Variants in CLINT1 observed in about 807,000 individuals in gnomAD.
CLINT1 encodes the protein clathrin interacting protein localized in the trans-Golgi region.
Under a neutral mutation model 70.4 loss-of-function variants are expected in CLINT1, and 15 were observed. The observed-to-expected ratio is 0.21, with a 90% CI of 0.14 to 0.33. The LOEUF (loss-of-function observed/expected upper bound fraction) is 0.33, where lower values mean the gene tolerates loss of function less well. CLINT1 is among the 10% of genes least tolerant of loss of function. The pLI is 1.00. For synonymous variants in CLINT1, 227 were observed against 254.7 expected (o/e 0.89, Z 1.04); for missense variants, 615 against 778.1 (o/e 0.79, Z 2.49).
At chr5:157,827,869 C>G (rs2113251681) in intron 1 of CLINT1, among the ~76,000 whole-genome samples, 1 of 152,264 alleles carries the variant, frequency 6.6e-6, no homozygotes, top group South Asian at 2.1e-4. Context: ...ACTGCTTCAT[C>G]TTTTATGGCT....
At chr5:157,835,609 T>G (rs1057176394) in intron 1 of CLINT1, among the ~76,000 whole-genome samples, 1 of 151,852 alleles carries the variant, frequency 6.6e-6, no homozygotes, top group Admixed American at 6.6e-5. Flanking sequence ...CAAATGAATA[T>G]GTAAGTGAAC....
Position 157,787,393 on chromosome 5 carries a change from T to A in CLINT1, c.*253A>T. ...CTCTTCAGTTGATAAAGGCTTTCAA[T>A]GGTCTCACCACCCACTTGTGGTCTA... On this transcript the variant is annotated 3_prime_UTR_variant, in exon 12 of 12. Coordinates refer to ENST00000411809, the MANE Select transcript of CLINT1 (RefSeq NM_014666.4). 1 of 502,682 alleles carries A rather than the reference T, an allele frequency of 2.0e-6. No homozygotes were observed. The allele number at this position is 502,682 out of a possible 1,614,324, so 31.1% of individuals were successfully genotyped here. A position where few individuals can be genotyped will look rare whatever the true frequency, so the allele number is the denominator to read the frequency against.
chr5:157,846,370 T>G (rs1322209342), intron 1 of CLINT1, among the ~76,000 whole-genome samples: 2 of 148,072 alleles, frequency 1.4e-5, no homozygotes, highest in African/African-American at 5.2e-5. Flanking sequence ...GAATAGAATA[T>G]CAAACTAGCC....
At chr5:157,806,570 A>G (rs942755729) in intron 6 of CLINT1, among the ~76,000 whole-genome samples, 1 of 152,202 alleles carries the variant, frequency 6.6e-6, no homozygotes, top group Non-Finnish European at 1.5e-5. Context: ...CAACTCTCAA[A>G]GACTAATGTG....
chr5:157,822,360 A>G (rs1762903425), intron 1 of CLINT1, among the ~76,000 whole-genome samples: 1 of 152,198 alleles, frequency 6.6e-6, no homozygotes, highest in South Asian at 2.1e-4. Context: ...TCATGGTCTT[A>G]TCAGGGGTTT....
intron 8 of CLINT1, chr5:157,795,583 A>G (rs1762040955): frequency 6.6e-6 from 1 of 152,220 alleles, no homozygotes; most frequent in African/African-American, 2.4e-5. Flanking sequence ...CATGATTGCA[A>G]CTTCCTCTCA....
chr5:157,855,058 C>G (rs1407780725), intron 1 of CLINT1, among the ~76,000 whole-genome samples: 1 of 147,592 alleles, frequency 6.8e-6, no homozygotes, highest in African/African-American at 2.5e-5. Context: ...GCAGGAGAAT[C>G]ATTTGAACCC....
At chr5:157,836,643 C>T (rs892259109) in intron 1 of CLINT1, among the ~76,000 whole-genome samples, 4 of 152,226 alleles carry the variant, frequency 2.6e-5, no homozygotes, top group Non-Finnish European at 5.9e-5. Context: ...AGCTACTCCT[C>T]TTCTTCCATG....
intron 1 of CLINT1, among the ~76,000 whole-genome samples, chr5:157,833,002 T>C (rs1581525737): frequency 1.3e-5 from 2 of 152,186 alleles, no homozygotes; most frequent in East Asian, 3.9e-4. Context: ...AAATCCTTAC[T>C]AATTGAAACT....
intron 1 of CLINT1, among the ~76,000 whole-genome samples, chr5:157,840,249 T>G (rs1036396040): frequency 4.2e-5 from 6 of 141,880 alleles, no homozygotes; most frequent in African/African-American, 1.6e-4. Flanking sequence ...AATAGTCTAT[T>G]TAAAAAAAAA....
chr5:157,813,227 T>C lies in CLINT1; in HGVS notation c.353A>G (p.Asp118Gly). The C allele has an allele frequency of 7.4e-6, 12 of 1,611,562 alleles. No individual in the cohort carries two copies. The highest frequency in any genetic ancestry group is 8.5e-6 in the Non-Finnish European group (10 of 1,179,446). Reference protein sequence around the residue: ...LRSLENYHFVDEHGKDQGINI... With the variant: ...LRSLENYHFVGEHGKDQGINI... The stretch of plus-strand genomic sequence containing the variant: ...TATACCTTGATCCTTACCATGCTCA[T>C]CTATGAGGATGGTAAGAGATAAGCA... The change falls in exon 5 of 12, where the codon GAT becomes GGT. Residue 118 changes from aspartate to glycine, a missense_variant and splice_region_variant. Transcript: ENST00000411809.
chr5:157,858,441 G>A (rs896634255), intron 1 of CLINT1, among the ~76,000 whole-genome samples: 5 of 152,220 alleles, frequency 3.3e-5, no homozygotes, highest in South Asian at 2.1e-4. Flanking sequence ...GGAATTAAGA[G>A]GAGGCAAGGA....
In CLINT1 at chr5:157,789,395, T is replaced by C. The variant is rs368809469; in HGVS notation, c.1499A>G (p.Gln500Arg). The C allele has an allele frequency of 3.7e-6, 6 of 1,613,876 alleles. No homozygotes were observed. The highest frequency in any genetic ancestry group is 5.1e-6 in the Non-Finnish European group (6 of 1,179,876). ...CTGAATCATTGTATTCAGTGATGGC[T>C]GCTGGGGTTTGGAAGGCTGCATACC... ...LPGMQPSKPQQPSLNTMIQQQ... is the reference protein window; with the variant it reads ...LPGMQPSKPQRPSLNTMIQQQ... Residue 500 changes from glutamine to arginine, a missense_variant, in exon 11 of 12, where the codon CAG (glutamine) becomes CGG (arginine). Gln to Arg is a conservative substitution (Grantham distance 43, BLOSUM62 1). This residue lies in a region of CLINT1 where 374 missense variants were observed against 409.6 expected (regional missense o/e 0.91). Transcript: ENST00000411809.
intron 1 of CLINT1, among the ~76,000 whole-genome samples, chr5:157,839,473 C>T (rs1763540939): frequency 6.6e-6 from 1 of 152,018 alleles, no homozygotes; most frequent in East Asian, 1.9e-4. Context: ...TGGTAGCAGG[C>T]AGGCACCTGT....
chr5:157,790,856 T>A (rs546894509), intron 10 of CLINT1, among the ~76,000 whole-genome samples: 1 of 152,272 alleles, frequency 6.6e-6, no homozygotes, highest in East Asian at 1.9e-4. Context: ...TTTATGAAAA[T>A]GAAAGTTGAA....
At chr5:157,844,717 G>C (rs1011646439) in intron 1 of CLINT1, among the ~76,000 whole-genome samples, 3 of 152,174 alleles carry the variant, frequency 2.0e-5, no homozygotes, top group African/African-American at 7.2e-5. Flanking sequence ...ATATGACATA[G>C]CACACACTGA....
chr5:157,809,831 C>A, intron 5 of CLINT1, 26 bp from the exon 6 acceptor site: 2 of 1,593,822 alleles, frequency 1.3e-6, no homozygotes, highest in Non-Finnish European at 1.7e-6. Flanking sequence ...AAAAAAGAAG[C>A]AATTCTAACG....
Position 157,859,120 on chromosome 5 carries a change from G to A in CLINT1, c.-150C>T. ...AGCTCCTTCCTTTGCCACAGCAGCG[G>A]CGCCGCCGGTGACACGTCGAGACGC... On this transcript the variant is annotated 5_prime_UTR_variant, in exon 1 of 12. Coordinates refer to ENST00000411809, the MANE Select transcript of CLINT1 (RefSeq NM_014666.4). The A allele has an allele frequency of 1.3e-6, 1 of 752,662 alleles. No homozygotes were observed. Among genetic ancestry groups the A allele is most frequent in the Non-Finnish European group, 2.0e-6 (1 of 491,334 alleles). The allele number at this position is 752,662 out of a possible 1,614,324, so 46.6% of individuals were successfully genotyped here.
At chr5:157,839,151 C>T (rs1226398636) in intron 1 of CLINT1, among the ~76,000 whole-genome samples, 1 of 152,156 alleles carries the variant, frequency 6.6e-6, no homozygotes, top group Non-Finnish European at 1.5e-5. Flanking sequence ...ATCACCTGAG[C>T]CCAGGAGGTC....
Sources: gnomAD v4.1 joint callset for allele counts (sites outside exome capture counted in the v4.1 genomes callset) on GRCh38, gnomAD v4.1.1 for gene constraint, gnomAD v4.1.1 regional missense constraint, MANE v1.5 for transcripts, NCBI Gene and HGNC (gene_info 2026-07-23, HGNC 2026-07-21) for gene names.